Variants in GAS6 observed in about 807,000 individuals in gnomAD.
The protein encoded by GAS6 is growth arrest specific 6, also known as growth arrest-specific protein 6.
GAS6 carries 41 observed loss-of-function variants against 75.8 expected under a neutral mutation model. The observed-to-expected ratio is 0.54, with a 90% confidence interval of 0.42 to 0.70. GAS6 has a LOEUF of 0.70. Ranked by LOEUF, GAS6 falls within the 30% of genes least tolerant of loss-of-function variation. The pLI, the probability that GAS6 is intolerant of heterozygous loss-of-function variation, is 0.00. For synonymous variants in GAS6, 432 were observed against 412.6 expected, an observed-to-expected ratio of 1.05 and a Z score of -0.57; for missense variants, 854 against 940.2, an observed-to-expected ratio of 0.91 and a Z score of 1.20.
intron 2 of GAS6, among the ~76,000 whole-genome samples, chr13:113,861,526 G>C (rs1163086992): frequency 6.6e-6 from 1 of 152,236 alleles, no homozygotes; most frequent in Non-Finnish European, 1.5e-5. Context: ...GCCTTTGACA[G>C]GGAGAAGTTC....
intron 2 of GAS6, among the ~76,000 whole-genome samples, chr13:113,860,791 G>A (rs1426974275): frequency 1.3e-5 from 2 of 152,226 alleles, no homozygotes; most frequent in Non-Finnish European, 2.9e-5. Flanking sequence ...GGAGGTGGGA[G>A]GAGTGTCCCT....
At position 113,849,021 on chromosome 13, in the gene GAS6, G is replaced by A. The variant is rs189528969; in HGVS notation, c.256-971C>T. On this transcript the variant is annotated intron_variant, in intron 2 of 14. Transcript: ENST00000327773. ...CTGGCTTCATGCGCTGGCTCTGCAT[G>A]GCCTTTCTGCCTCCTTCCCACCTCT... is the stretch of plus-strand genomic sequence containing the variant. Among the ~76,000 whole-genome samples the A allele has an allele frequency of 3.7e-3, 565 of 152,266 alleles. 5 individuals carry two copies. Among genetic ancestry groups the A allele is most frequent in the African/African-American group, 0.013 (545 of 41,548 alleles).
Position 113,841,662 on chromosome 13 carries a change from C to T in GAS6, c.344-1812G>A, listed in dbSNP as rs111632727. On this transcript the variant is annotated intron_variant, in intron 4 of 14. Transcript: ENST00000327773. Reference sequence around the variant, plus strand: ...TCCATATGCCTCAATTTCCTCCATACGCCCCCCAGTTTCTTCCATACACCC... The same window carrying T: ...TCCATATGCCTCAATTTCCTCCATATGCCCCCCAGTTTCTTCCATACACCC... 5.1e-4 allele frequency: 70 copies of T among 136,050 alleles called. 1 individual carries two copies. Among genetic ancestry groups the T allele is most frequent in the African/African-American group, 1.2e-3 (35 of 29,034 alleles). 8.4% of individuals were successfully genotyped at this position (136,050 alleles called of 1,614,324 possible).
At chr13:113,835,012 G>A (rs1465464764) in intron 7 of GAS6, among the ~76,000 whole-genome samples, 1 of 152,258 alleles carries the variant, frequency 6.6e-6, no homozygotes, top group Non-Finnish European at 1.5e-5. Flanking sequence ...GTCCCCCGGA[G>A]CACAGAGGGG....
At chr13:113,821,065 G>C (rs756807318) in intron 14 of GAS6, 47 bp from the exon 15 acceptor site, 1 of 1,583,678 alleles carries the variant, frequency 6.3e-7, no homozygotes, top group Non-Finnish European at 8.6e-7. Context: ...CCACGTGGCC[G>C]GCCCCGCCTG....
At chr13:113,858,768 A>G (rs1481644818) in intron 2 of GAS6, among the ~76,000 whole-genome samples, 1 of 138,568 alleles carries the variant, frequency 7.2e-6, no homozygotes, top group Admixed American at 7.1e-5. Flanking sequence ...TGTGCGTGTC[A>G]TTATGCATGT....
chr13:113,838,941 T>G, intron 5 of GAS6: 2 of 184,056 alleles, frequency 1.1e-5, no homozygotes, highest in African/African-American at 2.4e-5. Context: ...GCCCTAGCGT[T>G]TCATGGCCCC....
In GAS6 at chr13:113,826,418, G is replaced by A. The variant is rs574150572; in HGVS notation, c.1477+578C>T. ...AGGCACCTTCTCTCCCCGGCCTCCC[G>A]GCGCTGGCCTCGCAGGCACCTTCTC... On this transcript the variant is annotated intron_variant, in intron 12 of 14. Transcript: ENST00000327773. Among the ~76,000 whole-genome samples the A allele has an allele frequency of 9.7e-3, 1,303 of 134,220 alleles. 44 individuals are homozygous for A. Among genetic ancestry groups the A allele is most frequent in the African/African-American group, 0.036 (1,220 of 34,106 alleles). The allele number at this position is 134,220 out of a possible 152,430, so 88.1% of individuals were successfully genotyped here. A position where few individuals can be genotyped will look rare whatever the true frequency, so the allele number is the denominator to read the frequency against.
At chr13:113,830,773 G>A (rs7400417) in intron 10 of GAS6, among the ~76,000 whole-genome samples, 13,803 of 121,370 alleles carry the variant, frequency 0.11, 1,286 homozygotes, top group East Asian at 0.37. Flanking sequence ...CACCTGCCCC[G>A]GGCCCCTCCT....
Position 113,828,712 on chromosome 13 carries a change from C to T in GAS6, c.1144-1G>A. On this transcript the variant is annotated splice_acceptor_variant, in intron 10 of 14. Transcript: ENST00000327773. LOFTEE classifies it high-confidence loss of function. ...TCCGCGCCAGCTCCTCAACAGAGATCTGAAGAGAGGCAGCGCCATGAGAAA... is the reference window on the plus strand; with the variant it reads ...TCCGCGCCAGCTCCTCAACAGAGATTTGAAGAGAGGCAGCGCCATGAGAAA... The T allele has an allele frequency of 6.2e-7, 1 of 1,612,810 alleles. No homozygotes were observed. The highest frequency in any genetic ancestry group is 8.5e-7 in the Non-Finnish European group (1 of 1,179,634).
chr13:113,822,356 A>AC (rs1320699830), intron 13 of GAS6, 170 bp from the exon 14 acceptor site: 4 of 498,278 alleles, frequency 8.0e-6, no homozygotes, highest in African/African-American at 7.9e-5. Flanking sequence ...TGACACCCCC[A>AC]CCCCACCTGG....
At chr13:113,827,256 G>GT in intron 11 of GAS6, 92 bp from the exon 12 acceptor site, 1 of 1,310,164 alleles carries the variant, frequency 7.6e-7, no homozygotes, top group South Asian at 1.3e-5. Context: ...CGCGGCCCTG[G>GT]TATGTGCAGC....
intron 12 of GAS6, among the ~76,000 whole-genome samples, chr13:113,826,153 G>GC (rs2051535561): frequency 6.6e-6 from 1 of 152,172 alleles, no homozygotes; most frequent in South Asian, 2.1e-4. Flanking sequence ...ACAGGACTGG[G>GC]CCAGCAGCTC....
intron 10 of GAS6, 131 bp downstream of exon 10, chr13:113,832,168 C>T (rs1329116235): frequency 7.4e-6 from 8 of 1,080,120 alleles, no homozygotes; most frequent in Non-Finnish European, 7.9e-6. Flanking sequence ...GCAGGGGTCC[C>T]CGTCCTGCCG....
At chr13:113,846,667 T>G (rs2051836256) in intron 3 of GAS6, 78 bp from the exon 4 acceptor site, 1 of 1,203,102 alleles carries the variant, frequency 8.3e-7, no homozygotes, top group Non-Finnish European at 1.2e-6. Context: ...TCTGAGACGC[T>G]CTGGAGAGGC....
chr13:113,841,528 C>CCA (rs767318059), intron 4 of GAS6: 5,944 of 88,836 alleles, frequency 0.067, 4 homozygotes, highest in South Asian at 0.12. Flanking sequence ...TCCGTATGCC[C>CCA]CAGTTTCCTC....
At chr13:113,834,172 T>A (rs1402047334) in intron 8 of GAS6, among the ~76,000 whole-genome samples, 1 of 129,014 alleles carries the variant, frequency 7.8e-6, no homozygotes, top group African/African-American at 3.1e-5. Flanking sequence ...GTGTGACAGG[T>A]AGGTCATGCT....
In GAS6 at chr13:113,823,642, C is replaced by T. The variant is rs553377066; in HGVS notation, c.1478-92G>A. ...GGGCCTCGAGAGATGCAGTCCCAGC[C>T]GGGGTGGGAAGCTGTGCAGACAGCC... On this transcript the variant is annotated intron_variant, in intron 12 of 14. Transcript: ENST00000327773. 4.0e-4 allele frequency: 514 copies of T among 1,291,484 alleles called. 3 individuals are homozygous for T. Among genetic ancestry groups the T allele is most frequent in the Admixed American group, 9.9e-4 (45 of 45,546 alleles). The allele number at this position is 1,291,484 out of a possible 1,614,324, so 80.0% of individuals were successfully genotyped here.
At position 113,820,926 on chromosome 13, in the gene GAS6, C is replaced by G. The variant is rs769396670; in HGVS notation, c.1975G>C (p.Ala659Pro). 6.2e-7 allele frequency: 1 copy of G among 1,612,444 alleles called. No individual in the cohort carries two copies. The stretch of plus-strand genomic sequence containing the variant: ...GCCGTGATGTCGCTGTGCTTGTACG[C>G]CGCCTCGTCCAGGTCCAGCAGCCTC... ...NRRLLDLDEA[A>P]YKHSDITAHS... The change falls in exon 15 of 15, where the codon GCG (alanine) becomes CCG (proline). Residue 659 changes from alanine to proline, a missense_variant. Physicochemically the swap from Ala to Pro is conservative, Grantham distance 27. Coordinates refer to ENST00000327773, the MANE Select transcript of GAS6 (RefSeq NM_000820.4).
Sources: allele counts gnomAD v4.1 joint callset (sites outside exome capture counted in the v4.1 genomes callset), GRCh38; gene constraint gnomAD v4.1.1; transcripts MANE v1.5; gene names NCBI Gene and HGNC (gene_info 2026-07-23, HGNC 2026-07-21).